Variants in HIKESHI observed in about 807,000 individuals in gnomAD.
The protein encoded by HIKESHI is protein Hikeshi.
In HIKESHI, 13 loss-of-function variants were observed where a neutral mutation model predicts 25.7. The observed-to-expected ratio is 0.51, with a 90% CI of 0.33 to 0.80. The LOEUF (loss-of-function observed/expected upper bound fraction) is 0.80, where lower values mean the gene tolerates loss of function less well. Ranked by LOEUF, HIKESHI falls within the 30% of genes least tolerant of loss-of-function variation. The probability of loss-of-function intolerance (pLI) is 0.02; values close to 1 mark genes in which losing one functional copy is unlikely to be tolerated. For synonymous variants in HIKESHI, 76 were observed against 78.7 expected, an observed-to-expected ratio of 0.97 and a Z score of 0.18; for missense variants, 174 against 229.5, an observed-to-expected ratio of 0.76 and a Z score of 1.56.
intron 2 of HIKESHI, among the ~76,000 whole-genome samples, chr11:86,315,895 G>T (rs961526613): frequency 1.3e-5 from 2 of 152,006 alleles, no homozygotes; most frequent in Non-Finnish European, 2.9e-5. Flanking sequence ...GACAGGAGGG[G>T]TGGTATCTGA....
At chr11:86,339,305 C>T (rs1947657509) in intron 3 of HIKESHI, among the ~76,000 whole-genome samples, 1 of 152,196 alleles carries the variant, frequency 6.6e-6, no homozygotes, top group African/African-American at 2.4e-5. Flanking sequence ...GCCTTGGCCT[C>T]CCAAAGTGCT....
At chr11:86,341,321 C>A (rs1486956315) in intron 3 of HIKESHI, among the ~76,000 whole-genome samples, 1 of 146,276 alleles carries the variant, frequency 6.8e-6, no homozygotes, top group Admixed American at 7.1e-5. Flanking sequence ...GATTACATTT[C>A]TTTTCTTGTA....
At chr11:86,316,955 G>A (rs929660978) in intron 2 of HIKESHI, among the ~76,000 whole-genome samples, 9 of 151,602 alleles carry the variant, frequency 5.9e-5, no homozygotes, top group Non-Finnish European at 7.4e-5. Context: ...CACCATGCCT[G>A]GCTAATTTTT....
At chr11:86,302,551 C>A (rs912148668) in intron 1 of HIKESHI, 73 bp downstream of exon 1, 1 of 1,508,516 alleles carries the variant, frequency 6.6e-7, no homozygotes, top group Non-Finnish European at 9.0e-7. Flanking sequence ...AGGGAGGGTG[C>A]GCAGGCGCTA....
At chr11:86,331,806 A>G (rs1363298613) in intron 2 of HIKESHI, among the ~76,000 whole-genome samples, 6 of 152,180 alleles carry the variant, frequency 3.9e-5, no homozygotes, top group Non-Finnish European at 8.8e-5. Flanking sequence ...AGGTATCAAT[A>G]GAAATGAAGC....
intron 2 of HIKESHI, among the ~76,000 whole-genome samples, chr11:86,307,838 A>ATATTATGTGTAATATACATTAT (rs1946691127): frequency 3.4e-5 from 4 of 117,024 alleles, no homozygotes; most frequent in African/African-American, 1.0e-4. Flanking sequence ...ACATTATATA[A>ATATTATGTGTAATATACATTAT]ATATATATTA....
intron 2 of HIKESHI, chr11:86,326,399 C>T (rs1388773240): frequency 2.3e-6 from 1 of 441,056 alleles, no homozygotes; most frequent in East Asian, 7.0e-5. Flanking sequence ...ATGTAATTAT[C>T]CATTTACATT....
intron 2 of HIKESHI, among the ~76,000 whole-genome samples, chr11:86,324,961 T>C (rs1286885150): frequency 1.3e-5 from 2 of 152,070 alleles, no homozygotes; most frequent in Admixed American, 1.3e-4. Context: ...GATGGATCAC[T>C]TGAGCCAAGG....
At chr11:86,322,982 A>G (rs1947187471) in intron 2 of HIKESHI, among the ~76,000 whole-genome samples, 1 of 152,134 alleles carries the variant, frequency 6.6e-6, no homozygotes, top group South Asian at 2.1e-4. Context: ...TAATCCTGGC[A>G]CTTAGGGAGG....
At chr11:86,322,560 G>A (rs1001254284) in intron 2 of HIKESHI, among the ~76,000 whole-genome samples, 4 of 151,986 alleles carry the variant, frequency 2.6e-5, no homozygotes, top group African/African-American at 4.8e-5. Flanking sequence ...CTCTAACAGT[G>A]TTTTTGTTTT....
chr11:86,304,961 A>C (rs1456344653), intron 1 of HIKESHI, among the ~76,000 whole-genome samples: 1 of 152,124 alleles, frequency 6.6e-6, no homozygotes, highest in Non-Finnish European at 1.5e-5. Flanking sequence ...AGGATTGCCT[A>C]ATTACTTCTG....
At position 86,306,527 on chromosome 11, in the gene HIKESHI, T is replaced by A. The variant is rs201924927; in HGVS notation, c.268+45T>A. ...GTAGTTTTATAATTAATCAAACTTTTTTCTTAAATAGCATAACATGGAATA... is the reference window on the plus strand; with the variant it reads ...GTAGTTTTATAATTAATCAAACTTTATTCTTAAATAGCATAACATGGAATA... On this transcript the variant is annotated intron_variant, in intron 2 of 4. Coordinates refer to ENST00000278483, the MANE Select transcript of HIKESHI (RefSeq NM_016401.4). 7.2e-4 allele frequency: 861 copies of A among 1,190,714 alleles called. 12 individuals carry two copies. The South Asian group carries it at 0.01, about 14-fold the overall frequency. 73.8% of individuals were successfully genotyped at this position (1,190,714 alleles called of 1,614,324 possible).
At chr11:86,336,793 T>G (rs1947573918) in intron 2 of HIKESHI, among the ~76,000 whole-genome samples, 1 of 151,898 alleles carries the variant, frequency 6.6e-6, no homozygotes, top group Non-Finnish European at 1.5e-5. Context: ...AATCAAACTG[T>G]CAAAAGGTAA....
intron 1 of HIKESHI, among the ~76,000 whole-genome samples, chr11:86,304,786 G>A (rs1212683600): frequency 5.3e-5 from 8 of 152,094 alleles, no homozygotes; most frequent in African/African-American, 1.7e-4. Flanking sequence ...AAAGTGCTGG[G>A]ATTACAGGCA....
chr11:86,322,643 T>G (rs1162211474), intron 2 of HIKESHI, among the ~76,000 whole-genome samples: 2 of 152,176 alleles, frequency 1.3e-5, no homozygotes, highest in Non-Finnish European at 2.9e-5. Flanking sequence ...TTCAGTTTGT[T>G]CTTTTCTGGG....
chr11:86,315,834 A>G (rs1019083842), intron 2 of HIKESHI, among the ~76,000 whole-genome samples: 1 of 152,178 alleles, frequency 6.6e-6, no homozygotes, highest in Non-Finnish European at 1.5e-5. Flanking sequence ...TGTGTAAAAC[A>G]GCATAACAAA....
At chr11:86,331,977 C>CTTGTCTTTTTTT (rs1565737723) in intron 2 of HIKESHI, among the ~76,000 whole-genome samples, 2 of 137,472 alleles carry the variant, frequency 1.5e-5, no homozygotes, top group Non-Finnish European at 1.6e-5. Flanking sequence ...TAACTGTTTT[C>CTTGTCTTTTTTT]TTTTCTTTTT....
intron 1 of HIKESHI, 38 bp from the exon 2 acceptor site, chr11:86,306,205 CAT>C (rs1946618983): frequency 2.2e-6 from 3 of 1,349,352 alleles, no homozygotes; most frequent in South Asian, 1.2e-5. Context: ...TACAGAAACT[CAT>C]AGAACCATTG....
intron 2 of HIKESHI, 112 bp downstream of exon 2, chr11:86,306,594 G>A (rs1303970712): frequency 3.2e-6 from 2 of 634,154 alleles, no homozygotes; most frequent in East Asian, 2.9e-5. Context: ...GGTTGTTAAA[G>A]TAATACAAAA....
Sources: allele counts gnomAD v4.1 joint callset (sites outside exome capture counted in the v4.1 genomes callset), GRCh38; gene constraint gnomAD v4.1.1; transcripts MANE v1.5; gene names NCBI Gene and HGNC (gene_info 2026-07-23, HGNC 2026-07-21).